Variants in FER observed in about 807,000 individuals in gnomAD.
FER encodes the protein tyrosine-protein kinase Fer.
Under a neutral mutation model 111.0 loss-of-function variants are expected in FER, and 63 were observed. The observed-to-expected ratio is 0.57, with a 90% CI of 0.46 to 0.70. FER has a LOEUF of 0.70. Ranked by LOEUF, FER falls within the 30% of genes least tolerant of loss-of-function variation. FER has a pLI of 0.00. For missense variants in FER, 914 were observed against 954.0 expected, an observed-to-expected ratio of 0.96 and a Z score of 0.55; for synonymous variants, 327 against 313.9, an observed-to-expected ratio of 1.04 and a Z score of -0.44.
chr5:109,083,494 T>C (rs1777221283), intron 16 of FER, among the ~76,000 whole-genome samples: 1 of 152,082 alleles, frequency 6.6e-6, no homozygotes, highest in Non-Finnish European at 1.5e-5. Context: ...ACCCAAAGAT[T>C]GTAATGATAG....
chr5:109,023,033 T>C (rs182314436), intron 13 of FER, among the ~76,000 whole-genome samples: 121 of 152,272 alleles, frequency 7.9e-4, no homozygotes, highest in African/African-American at 2.6e-3. Flanking sequence ...TTTTTTCTTA[T>C]GTGTAAAATG....
At chr5:108,811,752 T>C (rs1028882467) in intron 3 of FER, among the ~76,000 whole-genome samples, 7 of 152,070 alleles carry the variant, frequency 4.6e-5, no homozygotes, top group African/African-American at 1.7e-4. Context: ...GAACCAGAGG[T>C]ACCTCCTGTG....
At chr5:108,951,823 C>G (rs1283025129) in intron 11 of FER, among the ~76,000 whole-genome samples, 1 of 152,020 alleles carries the variant, frequency 6.6e-6, no homozygotes, top group Non-Finnish European at 1.5e-5. Flanking sequence ...CAAAAAGAAG[C>G]TCATCTTGCT....
At chr5:108,994,558 T>G (rs146854599) in intron 13 of FER, among the ~76,000 whole-genome samples, 9,352 of 152,244 alleles carry the variant, frequency 0.061, 447 homozygotes, top group Non-Finnish European at 0.087. Flanking sequence ...CCTCCAGCTT[T>G]GTTCTTTTTG....
At chr5:109,145,287 ACT>A (rs1433327699) in intron 17 of FER, among the ~76,000 whole-genome samples, 1 of 151,878 alleles carries the variant, frequency 6.6e-6, no homozygotes, top group Non-Finnish European at 1.5e-5. Flanking sequence ...AGAGAAAGTG[ACT>A]CTATTCCCAA....
Position 109,189,100 on chromosome 5 carries a change from CTGAAGATGTCTCATG to C in FER, c.*1530_*1544del, listed in dbSNP as rs1759180711. 1 of 152,170 alleles carries C rather than the reference CTGAAGATGTCTCATG, an allele frequency of 6.6e-6. No homozygotes were observed. The highest frequency in any genetic ancestry group is 2.1e-4 in the South Asian group (1 of 4,832). The allele number at this position is 152,170 out of a possible 1,614,324, so 9.4% of individuals were successfully genotyped here. A position where few individuals can be genotyped will look rare whatever the true frequency, so the allele number is the denominator to read the frequency against. ...AGCTGACAGGTATGCAAGCAGAGTG[CTGAAGATGTCTCATG>C]TGAATAAAATGTAACTCACTCACTC... On this transcript the variant is annotated 3_prime_UTR_variant, in exon 20 of 20. Coordinates refer to ENST00000281092, the MANE Select transcript of FER (RefSeq NM_005246.4).
chr5:108,972,180 A>G (rs575325315), intron 13 of FER, among the ~76,000 whole-genome samples: 22 of 152,010 alleles, frequency 1.4e-4, no homozygotes, highest in Admixed American at 5.2e-4. Flanking sequence ...TTGTACTTCT[A>G]TAGTTCAAGC....
In FER at chr5:109,187,534, C is replaced by T. The variant is rs1287850533; in HGVS notation, c.2428C>T (p.Leu810Phe). 6.2e-7 allele frequency: 1 copy of T among 1,614,080 alleles called. No individual in the cohort carries two copies. Among genetic ancestry groups the T allele is most frequent in the Admixed American group, 1.7e-5 (1 of 60,016 alleles). The part of the protein sequence containing the change: ...KPENRPKFSE[L>F]QKELTIIKRK... ...TGAAAATCGCCCTAAGTTCAGTGAA[C>T]TTCAGAAAGAGCTCACTATCATCAA... Residue 810 changes from leucine to phenylalanine, a missense_variant, in exon 20 of 20, where the codon CTT becomes TTT. Leu to Phe is a conservative substitution (Grantham distance 22). Coordinates refer to ENST00000281092, the MANE Select transcript of FER (RefSeq NM_005246.4).
chr5:109,107,717 G>A (rs910593385), intron 17 of FER, among the ~76,000 whole-genome samples: 3 of 152,078 alleles, frequency 2.0e-5, no homozygotes, highest in Non-Finnish European at 4.4e-5. Flanking sequence ...CAGGGACCAA[G>A]GCAGGATCTC....
intron 17 of FER, among the ~76,000 whole-genome samples, chr5:109,154,770 T>C (rs1755192055): frequency 6.6e-6 from 1 of 151,816 alleles, no homozygotes; most frequent in African/African-American, 2.4e-5. Flanking sequence ...AATGAAAAAA[T>C]GACTCATTTG....
intron 17 of FER, among the ~76,000 whole-genome samples, chr5:109,134,674 T>C (rs192057755): frequency 6.6e-6 from 1 of 152,276 alleles, no homozygotes; most frequent in East Asian, 1.9e-4. Flanking sequence ...TGCTCGACAC[T>C]AAAACCACTG....
intron 3 of FER, among the ~76,000 whole-genome samples, chr5:108,825,634 TTAAAG>T (rs1352989894): frequency 1.3e-5 from 2 of 152,114 alleles, no homozygotes; most frequent in Non-Finnish European, 2.9e-5. Flanking sequence ...GATTAAGAGA[TTAAAG>T]TAAAGACAGG....
intron 13 of FER, among the ~76,000 whole-genome samples, chr5:108,979,657 A>G (rs927789272): frequency 3.3e-5 from 5 of 152,226 alleles, no homozygotes; most frequent in African/African-American, 7.2e-5. Flanking sequence ...ATAATACAAT[A>G]GAAGTTTCTC....
At chr5:108,971,287 A>C (rs1760627094) in intron 13 of FER, among the ~76,000 whole-genome samples, 1 of 149,024 alleles carries the variant, frequency 6.7e-6, no homozygotes, top group African/African-American at 2.5e-5. Flanking sequence ...AAAAAAAAAA[A>C]AAAAAAAAAC....
chr5:108,892,136 G>C (rs1166001520), intron 9 of FER, among the ~76,000 whole-genome samples: 2 of 152,130 alleles, frequency 1.3e-5, no homozygotes, highest in Admixed American at 6.5e-5. Context: ...ACGTGTGCAT[G>C]TGTCTTTATA....
intron 13 of FER, among the ~76,000 whole-genome samples, chr5:109,011,471 C>G (rs1229088712): frequency 6.6e-6 from 1 of 152,138 alleles, no homozygotes; most frequent in Non-Finnish European, 1.5e-5. Flanking sequence ...CTTTCTACCT[C>G]ACCTCTTTTT....
intron 11 of FER, among the ~76,000 whole-genome samples, chr5:108,953,202 T>C (rs78392994): frequency 0.087 from 13,263 of 151,742 alleles, 623 homozygotes; most frequent in African/African-American, 0.1. Flanking sequence ...GTGTAGATTA[T>C]GCGTTTGTTT....
At chr5:108,847,516 G>T (rs758969674) in intron 5 of FER, among the ~76,000 whole-genome samples, 1 of 151,894 alleles carries the variant, frequency 6.6e-6, no homozygotes, top group Non-Finnish European at 1.5e-5. Context: ...TTGTCAACTT[G>T]GTCCAGTTGT....
intron 10 of FER, among the ~76,000 whole-genome samples, chr5:108,904,547 G>T (rs1219233772): frequency 6.6e-6 from 1 of 152,170 alleles, no homozygotes; most frequent in African/African-American, 2.4e-5. Flanking sequence ...AAGTCATACA[G>T]ACCCACGTAG....
Sources: allele counts gnomAD v4.1 joint callset (sites outside exome capture counted in the v4.1 genomes callset), GRCh38; gene constraint gnomAD v4.1.1; transcripts MANE v1.5; gene names NCBI Gene and HGNC (gene_info 2026-07-23, HGNC 2026-07-21).